ICE1: variants seen among roughly 807,000 people sequenced by gnomAD.
ICE1 encodes interactor of little elongation complex ELL subunit 1.
Under a neutral mutation model 192.7 loss-of-function variants are expected in ICE1, and 64 were observed. The observed-to-expected ratio is 0.33, with a 90% CI of 0.27 to 0.41. ICE1 has a LOEUF of 0.41. ICE1 is among the 10% of genes least tolerant of loss of function. ICE1 has a pLI of 1.00. For synonymous variants in ICE1, 1,010 were observed against 984.5 expected (o/e 1.03, Z -0.49); for missense variants, 2,708 against 2,696.0 (o/e 1.00, Z -0.10).
At chr5:5,425,637 A>G (rs1438423032) in intron 1 of ICE1, among the ~76,000 whole-genome samples, 1 of 152,232 alleles carries the variant, frequency 6.6e-6, no homozygotes, top group African/African-American at 2.4e-5. Flanking sequence ...GGCAGTTTAT[A>G]GAGAACCTTG....
intron 13 of ICE1, 70 bp from the exon 14 acceptor site, chr5:5,466,264 T>C: frequency 7.2e-7 from 1 of 1,381,808 alleles, no homozygotes. Flanking sequence ...TTGTAACTTT[T>C]AGATAATCTT....
intron 3 of ICE1, among the ~76,000 whole-genome samples, chr5:5,438,880 T>C (rs960344070): frequency 1.3e-5 from 2 of 152,238 alleles, no homozygotes; most frequent in African/African-American, 4.8e-5. Flanking sequence ...TAAAAAAATA[T>C]GTTTCACATT....
intron 10 of ICE1, among the ~76,000 whole-genome samples, chr5:5,453,369 C>G (rs1249016659): frequency 6.6e-6 from 1 of 152,160 alleles, no homozygotes; most frequent in Non-Finnish European, 1.5e-5. Context: ...CTGTCCTCCA[C>G]AGTTGTCCTG....
chr5:5,439,885 T>A lies in ICE1; in HGVS notation c.179-10T>A. 6.5e-7 allele frequency: 1 copy of A among 1,541,034 alleles called. No individual in the cohort carries two copies. The highest frequency in any genetic ancestry group is 8.8e-7 in the Non-Finnish European group (1 of 1,140,754). ...ATAAAATTCTCAGAGTTTTCTTTAATAAGTTTTACAGCTGCAGTTTGCAAG... is the reference window on the plus strand; with the variant it reads ...ATAAAATTCTCAGAGTTTTCTTTAAAAAGTTTTACAGCTGCAGTTTGCAAG... On this transcript the variant is annotated splice_polypyrimidine_tract_variant and intron_variant, in intron 3 of 18. Transcript: ENST00000296564.
chr5:5,435,669 T>G (rs1541800), intron 1 of ICE1, among the ~76,000 whole-genome samples: 38,808 of 129,036 alleles, frequency 0.3, 5,562 homozygotes, highest in East Asian at 0.43. Context: ...TTTTTTTTTT[T>G]TTTGTTTTGT....
At chr5:5,449,626 G>T (rs564272508) in intron 10 of ICE1, among the ~76,000 whole-genome samples, 1 of 152,304 alleles carries the variant, frequency 6.6e-6, no homozygotes, top group Non-Finnish European at 1.5e-5. Flanking sequence ...TGCAGAAGCT[G>T]CGAGTTTCCC....
rs564717777 is a variant in ICE1, at chr5:5,477,360, C to G, written c.6520+1281C>G. 1.9e-3 allele frequency among the ~76,000 whole-genome samples: 285 copies of G among 152,310 alleles called. 2 individuals carry two copies. Among genetic ancestry groups the G allele is most frequent in the African/African-American group, 6.4e-3 (267 of 41,574 alleles). On this transcript the variant is annotated intron_variant, in intron 17 of 18. Transcript: ENST00000296564. ...TGCCATCAGAGAATACTGTAAACAC[C>G]TCTATGCAAATAAACTAGAAAATCT...
rs1452779351 is a variant in ICE1, at chr5:5,462,729, A to C, written c.3395A>C (p.Asn1132Thr). ...QQDAPDDSQKNLGDTDAAVAE... is the reference protein window; with the variant it reads ...QQDAPDDSQKTLGDTDAAVAE... Reference sequence around the variant, plus strand: ...GATGCTCCTGATGACTCACAGAAAAATTTAGGAGACACAGATGCTGCTGTA... The same window carrying C: ...GATGCTCCTGATGACTCACAGAAAACTTTAGGAGACACAGATGCTGCTGTA... The change falls in exon 13 of 19, where the codon AAT becomes ACT. Residue 1132 changes from asparagine to threonine, a missense_variant. Physicochemically the swap from Asn to Thr is moderately conservative, Grantham distance 65. Transcript: ENST00000296564. 6.2e-7 allele frequency: 1 copy of C among 1,613,830 alleles called. No homozygotes were observed. The highest frequency in any genetic ancestry group is 8.5e-7 in the Non-Finnish European group (1 of 1,179,808).
Position 5,463,788 on chromosome 5 carries a change from G to T in ICE1, c.4454G>T (p.Cys1485Phe), listed in dbSNP as rs1322937270. Residue 1485 changes from cysteine (C) to phenylalanine (F), a missense_variant, in exon 13 of 19, where the codon TGT becomes TTT. This residue lies in a region of ICE1 where 2,366 missense variants were observed against 2,276.6 expected (regional missense o/e 1.04). Transcript: ENST00000296564. ...HTGPAFQEAP[C>F]GNNLSCPQED... ...GGCCCTGCATTTCAGGAGGCTCCAT[G>T]TGGCAATAATCTTTCATGTCCCCAA... The T allele has an allele frequency of 1.9e-6, 3 of 1,613,892 alleles. No individual in the cohort carries two copies. Among genetic ancestry groups the T allele is most frequent in the Non-Finnish European group, 2.5e-6 (3 of 1,179,898 alleles).
intron 5 of ICE1, 146 bp downstream of exon 5, chr5:5,441,369 A>G (rs1177062573): frequency 1.7e-6 from 1 of 596,796 alleles, no homozygotes; most frequent in Non-Finnish European, 3.0e-6. Flanking sequence ...TTTAGAGAAC[A>G]TTGAACTAAC....
rs542440431 is a variant in ICE1 at position 5,463,504 on chromosome 5, C to T, written c.4170C>T (p.Ala1390=). ...PSIEQSSNCE[A]ETTFQCQIAT... ...TAGAGCAAAGTTCTAACTGCGAGGC[C>T]GAAACAACATTTCAGTGTCAGATAG... is the stretch of plus-strand genomic sequence containing the variant. The change falls in exon 13 of 19, where the codon GCC becomes GCT. Residue 1390 remains alanine (A), a synonymous_variant. Coordinates refer to ENST00000296564, the MANE Select transcript of ICE1 (RefSeq NM_015325.3). 6.0e-5 allele frequency: 97 copies of T among 1,613,044 alleles called. No individual in the cohort carries two copies. Among genetic ancestry groups the T allele is most frequent in the Non-Finnish European group, 7.6e-5 (90 of 1,179,500 alleles).
Position 5,462,223 on chromosome 5 carries a change from T to C in ICE1, c.2889T>C (p.Asn963=). ...GCAGATTATCTTTCTCTCCTGAAAA[T>C]ATCCTCATCCAAAACCAAGACATTG... is the stretch of plus-strand genomic sequence containing the variant. ...TNSRLSFSPE[N]ILIQNQDIVR... The change falls in exon 13 of 19, where the codon AAT becomes AAC. Residue 963 remains asparagine (N), a synonymous_variant. Transcript: ENST00000296564. 1.9e-6 allele frequency: 3 copies of C among 1,610,808 alleles called. No individual in the cohort carries two copies. The highest frequency in any genetic ancestry group is 2.5e-6 in the Non-Finnish European group (3 of 1,178,062).
At chr5:5,474,211 A>G (rs77667914) in intron 16 of ICE1, among the ~76,000 whole-genome samples, 1 of 144,452 alleles carries the variant, frequency 6.9e-6, no homozygotes, top group Non-Finnish European at 1.5e-5. Flanking sequence ...CTTCATCTCA[A>G]AAAAAAAAAA....
At chr5:5,424,372 G>T (rs1275104685) in intron 1 of ICE1, among the ~76,000 whole-genome samples, 2 of 151,668 alleles carry the variant, frequency 1.3e-5, no homozygotes. Flanking sequence ...ATCTTATAAC[G>T]CCCCCCCGCC....
intron 17 of ICE1, among the ~76,000 whole-genome samples, chr5:5,483,093 C>T (rs1187913584): frequency 3.9e-5 from 6 of 152,064 alleles, no homozygotes; most frequent in Non-Finnish European, 5.9e-5. Context: ...CAGGTTCAAG[C>T]GATTCTCCTG....
At chr5:5,431,195 A>G (rs988033281) in intron 1 of ICE1, among the ~76,000 whole-genome samples, 1 of 152,220 alleles carries the variant, frequency 6.6e-6, no homozygotes, top group Non-Finnish European at 1.5e-5. Context: ...CATGGGAAAG[A>G]TGAGCTAGGG....
At chr5:5,447,696 C>T (rs1426211739) in intron 8 of ICE1, 25 bp from the exon 9 acceptor site, 1 of 1,552,668 alleles carries the variant, frequency 6.4e-7, no homozygotes, top group Non-Finnish European at 8.8e-7. Context: ...TCAGCATAAA[C>T]ACTATTAATA....
At chr5:5,476,101 TG>T (rs757885720) in intron 17 of ICE1, 22 bp downstream of exon 17, 13 of 1,408,472 alleles carry the variant, frequency 9.2e-6, no homozygotes, top group Middle Eastern at 1.8e-4. Context: ...GTTTTATTAT[TG>T]TTTTTTTCTT....
At chr5:5,438,852 C>T (rs992055271) in intron 3 of ICE1, among the ~76,000 whole-genome samples, 16 of 152,310 alleles carry the variant, frequency 1.1e-4, no homozygotes, top group African/African-American at 3.4e-4. Context: ...TTGTCAGCTA[C>T]AGATAGATAC....
Sources: gnomAD v4.1 joint callset for allele counts (sites outside exome capture counted in the v4.1 genomes callset) on GRCh38, gnomAD v4.1.1 for gene constraint, gnomAD v4.1.1 regional missense constraint, MANE v1.5 for transcripts, NCBI Gene and HGNC (gene_info 2026-07-23, HGNC 2026-07-21) for gene names.